PIEZO2: variants seen among roughly 807,000 people sequenced by gnomAD.
The protein encoded by PIEZO2 is piezo type mechanosensitive ion channel component 2.
Under a neutral mutation model 337.3 loss-of-function variants are expected in PIEZO2, and 172 were observed. The ratio of observed to expected loss-of-function variants is 0.51; its 90% CI spans 0.45 to 0.58. PIEZO2 has a LOEUF of 0.58. PIEZO2 is among the 20% of genes least tolerant of loss of function. The probability of loss-of-function intolerance (pLI) is 0.00; values close to 1 mark genes in which losing one functional copy is unlikely to be tolerated. For missense variants in PIEZO2, 3,028 were observed against 3,391.3 expected (o/e 0.89, Z 2.66); for synonymous variants, 1,251 against 1,228.5 (o/e 1.02, Z -0.38).
intron 1 of PIEZO2, among the ~76,000 whole-genome samples, chr18:11,117,329 G>A (rs1208595521): frequency 1.3e-5 from 2 of 152,118 alleles, no homozygotes; most frequent in African/African-American, 4.8e-5. Context: ...CTAGTATACA[G>A]ATTTCACAAT....
chr18:10,959,644 C>T lies in PIEZO2; in HGVS notation c.286+19891G>A, dbSNP rs751751527. Among the ~76,000 whole-genome samples the T allele has an allele frequency of 1.1e-3, 164 of 152,252 alleles. 2 individuals carry two copies. In the Middle Eastern group the frequency reaches 0.014, roughly 13 times the overall value. On this transcript the variant is annotated intron_variant, in intron 3 of 55. Transcript: ENST00000674853. The stretch of plus-strand genomic sequence containing the variant: ...TCCATCTGATTCATATGCTCCATTA[C>T]CTACCCTTTATTTCATGAAATTACA...
At chr18:11,084,507 C>T (rs1377637439) in intron 1 of PIEZO2, among the ~76,000 whole-genome samples, 1 of 152,128 alleles carries the variant, frequency 6.6e-6, no homozygotes. Context: ...AAAGCTCCAG[C>T]CCTCGCCATG....
At chr18:10,887,065 C>CTTT (rs143421507) in intron 4 of PIEZO2, among the ~76,000 whole-genome samples, 2,256 of 91,324 alleles carry the variant, frequency 0.025, 135 homozygotes, top group African/African-American at 0.031. Flanking sequence ...AGGTGACACA[C>CTTT]TTTTTTTTTT....
rs968759460 is a variant in PIEZO2, at chr18:10,824,272, T to A, written c.918-16998A>T. ...CATAGTCTGTGGGAAAAAATGTATTTAAAATAAAGGCAACAAGAAGGTGAT... is the reference window on the plus strand; with the variant it reads ...CATAGTCTGTGGGAAAAAATGTATTAAAAATAAAGGCAACAAGAAGGTGAT... On this transcript the variant is annotated intron_variant, in intron 7 of 55. Coordinates refer to ENST00000674853, the MANE Select transcript of PIEZO2 (RefSeq NM_001378183.1). This position sits in a 1 kb window ranked among gnomAD's most constrained non-coding sequence, Gnocchi z 4.4. Among the ~76,000 whole-genome samples, 2 of 152,188 alleles carry A rather than the reference T, an allele frequency of 1.3e-5. No individual in the cohort carries two copies. Among genetic ancestry groups the A allele is most frequent in the Non-Finnish European group, 2.9e-5 (2 of 68,024 alleles).
chr18:10,743,190 T>C (rs2037293001), intron 31 of PIEZO2, among the ~76,000 whole-genome samples: 2 of 152,320 alleles, frequency 1.3e-5, no homozygotes, highest in South Asian at 4.2e-4. Context: ...ATATAACTTA[T>C]GTCTTTATGA....
At chr18:11,065,385 T>A (rs1417117214) in intron 2 of PIEZO2, among the ~76,000 whole-genome samples, 5 of 152,162 alleles carry the variant, frequency 3.3e-5, no homozygotes, top group African/African-American at 1.2e-4. Context: ...ACGGTAGAGT[T>A]TTGAAAAAAA....
At chr18:10,939,435 A>T (rs1487633506) in intron 3 of PIEZO2, among the ~76,000 whole-genome samples, 1 of 152,258 alleles carries the variant, frequency 6.6e-6, no homozygotes. Context: ...CCAAAGGATT[A>T]CAAATCATTC....
chr18:10,945,982 G>C lies in PIEZO2; in HGVS notation c.286+33553C>G, dbSNP rs1356254965. 6.6e-6 allele frequency among the ~76,000 whole-genome samples: 1 copy of C among 152,118 alleles called. No individual in the cohort carries two copies. Among genetic ancestry groups the C allele is most frequent in the East Asian group, 1.9e-4 (1 of 5,186 alleles). On this transcript the variant is annotated intron_variant, in intron 3 of 55. Coordinates refer to ENST00000674853, the MANE Select transcript of PIEZO2 (RefSeq NM_001378183.1). The surrounding 1 kb of genome is among the most constrained non-coding windows in gnomAD (Gnocchi z 4.0). ...ACCAAAATGAAACACAGGAAAAACA[G>C]TCAATAAAAATAAAGAGTATTACTG... is the stretch of plus-strand genomic sequence containing the variant.
rs2036428498 is a variant in PIEZO2 at position 10,724,041 on chromosome 18, C to T, written c.5030-5782G>A. ...GCAGCCCCTGAGGCCTTCTCACCTA[C>T]CTAATCAGCCCAGGCAGCTGTGGCT... On this transcript the variant is annotated intron_variant, in intron 36 of 55. Transcript: ENST00000674853. This position sits in a 1 kb window ranked among gnomAD's most constrained non-coding sequence, Gnocchi z 5.8. Among the ~76,000 whole-genome samples the T allele has an allele frequency of 6.6e-6, 1 of 152,178 alleles. No individual in the cohort carries two copies. Among genetic ancestry groups the T allele is most frequent in the South Asian group, 2.1e-4 (1 of 4,826 alleles).
chr18:10,714,664 T>G, intron 39 of PIEZO2, 100 bp downstream of exon 39: 2 of 1,373,456 alleles, frequency 1.5e-6, no homozygotes, highest in Non-Finnish European at 9.8e-7. Context: ...CATGCATGGT[T>G]TTGATGAACT....
At chr18:10,735,992 T>C (rs186293064) in intron 34 of PIEZO2, among the ~76,000 whole-genome samples, 5 of 152,346 alleles carry the variant, frequency 3.3e-5, no homozygotes, top group African/African-American at 1.2e-4. Flanking sequence ...CAAGCATTGA[T>C]TCACATTCAC....
chr18:10,776,512 CTA>C (rs1488995681), intron 18 of PIEZO2, among the ~76,000 whole-genome samples: 8 of 152,186 alleles, frequency 5.3e-5, no homozygotes, highest in African/African-American at 1.9e-4. Flanking sequence ...TAAACTTAGA[CTA>C]TGATTCTGTC....
At chr18:10,978,042 G>A (rs571145132) in intron 3 of PIEZO2, among the ~76,000 whole-genome samples, 2 of 152,240 alleles carry the variant, frequency 1.3e-5, no homozygotes, top group South Asian at 4.2e-4. Context: ...CTGAACTGTG[G>A]CCAGGTGTGG....
chr18:10,909,676 G>T (rs2030287517), intron 4 of PIEZO2, among the ~76,000 whole-genome samples: 1 of 152,128 alleles, frequency 6.6e-6, no homozygotes. Context: ...GCTGGGGAGT[G>T]GATAGGTGAC....
At chr18:10,971,457 A>G (rs2034234330) in intron 3 of PIEZO2, among the ~76,000 whole-genome samples, 1 of 152,182 alleles carries the variant, frequency 6.6e-6, no homozygotes, top group African/African-American at 2.4e-5. Context: ...TAACAAGTTG[A>G]CACAAGGCTG....
chr18:10,774,126 C>T, intron 18 of PIEZO2, 88 bp from the exon 19 acceptor site: 1 of 691,646 alleles, frequency 1.4e-6, no homozygotes, highest in Admixed American at 2.0e-5. Context: ...TATCATGCTA[C>T]ATATCATCCA....
In PIEZO2 at chr18:10,784,197, C is replaced by T. The variant is rs1343121258; in HGVS notation, c.2492+587G>A. Among the ~76,000 whole-genome samples, 2 of 152,104 alleles carry T rather than the reference C, an allele frequency of 1.3e-5. No individual in the cohort carries two copies. Among genetic ancestry groups the T allele is most frequent in the East Asian group, 3.9e-4 (2 of 5,194 alleles). Reference sequence around the variant, plus strand: ...AAATACGGGCAGGAAAAGTAATATCCCATCTGTTATTTGCAAACAATGTAT... The same window carrying T: ...AAATACGGGCAGGAAAAGTAATATCTCATCTGTTATTTGCAAACAATGTAT... On this transcript the variant is annotated intron_variant, in intron 17 of 55. Coordinates refer to ENST00000674853, the MANE Select transcript of PIEZO2 (RefSeq NM_001378183.1). This position sits in a 1 kb window ranked among gnomAD's most constrained non-coding sequence, Gnocchi z 4.5.
Position 11,047,818 on chromosome 18 carries a change from G to A in PIEZO2, c.160+18309C>T, listed in dbSNP as rs1333996289. On this transcript the variant is annotated intron_variant, in intron 2 of 55. Transcript: ENST00000674853. The surrounding 1 kb of genome is among the most constrained non-coding windows in gnomAD (Gnocchi z 7.2). ...GATGCTATTAGACCCCAGGGAATGC[G>A]AATATAATGATGATGACATTGATGT... Among the ~76,000 whole-genome samples the A allele has an allele frequency of 4.6e-5, 7 of 152,268 alleles. No individual in the cohort carries two copies. Among genetic ancestry groups the A allele is most frequent in the East Asian group, 3.9e-4 (2 of 5,176 alleles).
At chr18:10,731,199 A>ATATATATATATATATATATATATC (rs2036766320) in intron 36 of PIEZO2, among the ~76,000 whole-genome samples, 1 of 63,620 alleles carries the variant, frequency 1.6e-5, no homozygotes, top group Non-Finnish European at 3.0e-5. Context: ...ATATATATAT[A>ATATATATATATATATATATATATC]TATATATATA....
Sources: allele counts gnomAD v4.1 joint callset (sites outside exome capture counted in the v4.1 genomes callset), GRCh38; gene constraint gnomAD v4.1.1; non-coding constraint Gnocchi (gnomAD v3.1); transcripts MANE v1.5; gene names NCBI Gene and HGNC (gene_info 2026-07-23, HGNC 2026-07-21).